The following A2ML1 variants were observed in gnomAD, a reference collection of about 807,000 sequenced individuals.
A2ML1 encodes alpha-2-macroglobulin-like protein 1.
Under a neutral mutation model 181.9 loss-of-function variants are expected in A2ML1, and 161 were observed. The ratio of observed to expected loss-of-function variants is 0.89; its 90% CI spans 0.78 to 1.01. The LOEUF (loss-of-function observed/expected upper bound fraction) is 1.01, where lower values mean the gene tolerates loss of function less well. Among genes scored for constraint, A2ML1 ranks in the 50% least tolerant of loss-of-function variants. The pLI is 0.00. For missense variants in A2ML1, 1,670 were observed against 1,768.1 expected, an observed-to-expected ratio of 0.94 and a Z score of 1.00; for synonymous variants, 663 against 666.8, an observed-to-expected ratio of 0.99 and a Z score of 0.09.
At chr12:8,870,329 A>G (rs1161971975) in intron 33 of A2ML1, among the ~76,000 whole-genome samples, 1 of 151,934 alleles carries the variant, frequency 6.6e-6, no homozygotes, top group Non-Finnish European at 1.5e-5. Flanking sequence ...GTGCAGTGGC[A>G]CAATCTCAGC....
At chr12:8,851,476 G>C (rs1943887157) in intron 18 of A2ML1, among the ~76,000 whole-genome samples, 1 of 151,698 alleles carries the variant, frequency 6.6e-6, no homozygotes, top group African/African-American at 2.4e-5. Context: ...TGCAATCATA[G>C]CTCACTGCAG....
At position 8,823,357 on chromosome 12, in the gene A2ML1, T is replaced by A; in HGVS notation, c.238T>A (p.Ser80Thr). The A allele has an allele frequency of 6.2e-7, 1 of 1,613,544 alleles. No homozygotes were observed. The highest frequency in any genetic ancestry group is 1.1e-5 in the South Asian group (1 of 90,998). ...GLKKRHLHCI[S>T]FLVPPPAGGT... ...GAAGAAGAGGCACTTACATTGTATC[T>A]CCTTTCTTGTAAGCACAGACTCAGC... Residue 80 changes from serine to threonine, a missense_variant, in exon 2 of 36, where the codon TCC becomes ACC. Physicochemically the swap from Ser to Thr is moderately conservative, Grantham distance 58. Transcript: ENST00000299698.
Position 8,852,248 on chromosome 12 carries a change from A to G in A2ML1, c.2502A>G (p.Leu834=). The change falls in exon 20 of 36, where the codon CTA becomes CTG. Residue 834 remains leucine, a synonymous_variant. Transcript: ENST00000299698. This position sits in a 1 kb window ranked among gnomAD's most constrained non-coding sequence, Gnocchi z 4.2. ...TGGCTAAATCGCATGAGTACCAGCT[A>G]GAATCATGGGCAGATTCTCAGACCT... The part of the protein sequence containing the change: ...TDLAKSHEYQ[L]ESWADSQTSS... 1 of 1,614,148 alleles carries G rather than the reference A, an allele frequency of 6.2e-7. No individual in the cohort carries two copies.
chr12:8,858,297 T>A, intron 26 of A2ML1, 195 bp downstream of exon 26: 2 of 615,002 alleles, frequency 3.3e-6, no homozygotes, highest in East Asian at 6.0e-5. Context: ...AGAATACAGA[T>A]GAAGCCTGGG....
At chr12:8,851,557 C>T (rs1015955938) in intron 18 of A2ML1, among the ~76,000 whole-genome samples, 1 of 152,036 alleles carries the variant, frequency 6.6e-6, no homozygotes, top group African/African-American at 2.4e-5. Flanking sequence ...AGGCATGCAC[C>T]ACCACACCTG....
At chr12:8,848,314 C>G (rs866171858) in intron 15 of A2ML1, among the ~76,000 whole-genome samples, 39 of 151,954 alleles carry the variant, frequency 2.6e-4, no homozygotes, top group African/African-American at 9.4e-4. Flanking sequence ...AACCCTGTCT[C>G]TACTAAAAAT....
chr12:8,835,411 G>A (rs1943239339), intron 5 of A2ML1, 96 bp from the exon 6 acceptor site: 2 of 1,499,262 alleles, frequency 1.3e-6, no homozygotes, highest in South Asian at 1.2e-5. Context: ...CAATGGGTGG[G>A]GTTTTTTACC....
At chr12:8,826,740 TC>T (rs1942942089) in intron 3 of A2ML1, among the ~76,000 whole-genome samples, 2 of 152,158 alleles carry the variant, frequency 1.3e-5, no homozygotes, top group Non-Finnish European at 2.9e-5. Flanking sequence ...TGCCTCAGCC[TC>T]CCGAGTAGCT....
Position 8,829,765 on chromosome 12 carries a change from C to A in A2ML1, c.448C>A (p.Pro150Thr), listed in dbSNP as rs1355508767. Residue 150 changes from proline (P) to threonine (T), a missense_variant, in exon 4 of 36, where the codon CCA (proline) becomes ACA (threonine). Pro to Thr is a conservative substitution (Grantham distance 38, BLOSUM62 -1). Coordinates refer to ENST00000299698, the MANE Select transcript of A2ML1 (RefSeq NM_144670.6). ...TGTCACCATGGATAGCAACTTCGTT[C>A]CAGTGAATGACAAGGTGAGTTGGGA... is the stretch of plus-strand genomic sequence containing the variant. ...RIVTMDSNFV[P>T]VNDKYSMVEL... 1 of 1,613,852 alleles carries A rather than the reference C, an allele frequency of 6.2e-7. No homozygotes were observed.
chr12:8,861,005 C>A (rs1944241147), intron 27 of A2ML1, 50 bp downstream of exon 27: 2 of 1,608,350 alleles, frequency 1.2e-6, no homozygotes, highest in Non-Finnish European at 1.7e-6. Context: ...CATGCGTATT[C>A]CTAGAGACAT....
rs372520121 is a variant in A2ML1 at position 8,838,401 on chromosome 12, G to A, written c.921G>A (p.Ala307=). ...CCACCTTTGACCTCATTGGATATGC[G>A]TACAGCCATCAAATCAATATTGTGG... The part of the protein sequence containing the change: ...DMATFDLIGY[A]YSHQINIVAT... Residue 307 remains alanine (A), a synonymous_variant, in exon 9 of 36, where the codon GCG becomes GCA. Coordinates refer to ENST00000299698, the MANE Select transcript of A2ML1 (RefSeq NM_144670.6). 3.2e-5 allele frequency: 51 copies of A among 1,613,900 alleles called. 1 individual carries two copies. The Middle Eastern group carries it at 8.2e-4, about 26-fold the overall frequency.
rs7316141 is a variant in A2ML1, at chr12:8,874,833, A to G, written c.4325-138A>G. 0.25 allele frequency: 196,181 copies of G among 784,330 alleles called. 26,375 individuals carry two copies. Among genetic ancestry groups the G allele is most frequent in the Middle Eastern group, 0.32 (855 of 2,714 alleles). The allele number at this position is 784,330 out of a possible 1,614,324, so 48.6% of individuals were successfully genotyped here. ...CAATGTACAAATATTAGTGATTGAA[A>G]CTTTCTTGTAATTCTGAATATGCTC... On this transcript the variant is annotated intron_variant, in intron 34 of 35. Transcript: ENST00000299698.
At chr12:8,827,332 G>A (rs565297091) in intron 3 of A2ML1, among the ~76,000 whole-genome samples, 158 of 152,224 alleles carry the variant, frequency 1.0e-3, no homozygotes, top group Non-Finnish European at 1.8e-3. Flanking sequence ...GAGCGAGACT[G>A]TCTCAAATAA....
intron 11 of A2ML1, among the ~76,000 whole-genome samples, chr12:8,842,476 C>T (rs888725887): frequency 2.0e-5 from 3 of 152,190 alleles, no homozygotes; most frequent in African/African-American, 4.8e-5. Context: ...GCCTTGGCCT[C>T]CCAAAGTGCT....
intron 29 of A2ML1, among the ~76,000 whole-genome samples, chr12:8,865,950 G>C (rs920261160): frequency 6.6e-6 from 1 of 152,084 alleles, no homozygotes; most frequent in Non-Finnish European, 1.5e-5. Flanking sequence ...TTTCACTGAA[G>C]ATATAACATG....
chr12:8,842,649 C>T (rs1943532010), intron 11 of A2ML1, among the ~76,000 whole-genome samples: 1 of 152,182 alleles, frequency 6.6e-6, no homozygotes, highest in Admixed American at 6.5e-5. Flanking sequence ...GAATTGGAGC[C>T]ATTAATGAGA....
intron 14 of A2ML1, among the ~76,000 whole-genome samples, chr12:8,846,783 C>T (rs1333368227): frequency 6.8e-6 from 1 of 146,142 alleles, no homozygotes; most frequent in Non-Finnish European, 1.5e-5. Flanking sequence ...TACACTCCAG[C>T]CTGAGTGACA....
rs1332002762 is a variant in A2ML1, at chr12:8,867,978, T to G, written c.3854T>G (p.Val1285Gly). 1 of 1,614,234 alleles carries G rather than the reference T, an allele frequency of 6.2e-7. No individual in the cohort carries two copies. Among genetic ancestry groups the G allele is most frequent in the Middle Eastern group, 1.6e-4 (1 of 6,062 alleles). Residue 1285 changes from valine to glycine, a missense_variant, in exon 30 of 36, where the codon GTA becomes GGA. Transcript: ENST00000299698. ...TFNIQSVNRL[V>G]FQQDTLPNVP... ...AACATACAGTCAGTTAACAGATTGGTATTTCAGCAGGATACCCTGCCCAAT... is the reference window on the plus strand; with the variant it reads ...AACATACAGTCAGTTAACAGATTGGGATTTCAGCAGGATACCCTGCCCAAT...
intron 2 of A2ML1, 137 bp downstream of exon 2, chr12:8,823,502 C>A: frequency 8.8e-7 from 1 of 1,130,270 alleles, no homozygotes; most frequent in Non-Finnish European, 1.2e-6. Flanking sequence ...AACTTAACCT[C>A]AATCCCCGGC....
Sources: gnomAD v4.1 joint callset for allele counts (sites outside exome capture counted in the v4.1 genomes callset) on GRCh38, gnomAD v4.1.1 for gene constraint, Gnocchi (gnomAD v3.1) non-coding constraint, MANE v1.5 for transcripts, NCBI Gene and HGNC (gene_info 2026-07-23, HGNC 2026-07-21) for gene names.